The following PADI1 variants were observed in gnomAD, a reference collection of about 807,000 sequenced individuals.
PADI1 encodes the protein peptidyl arginine deiminase 1.
Under a neutral mutation model 74.8 loss-of-function variants are expected in PADI1, and 65 were observed. The observed-to-expected ratio is 0.87, with a 90% CI of 0.71 to 1.07. The LOEUF (loss-of-function observed/expected upper bound fraction) is 1.07. Among genes scored for constraint, PADI1 ranks in the 50% least tolerant of loss-of-function variants. PADI1 has a pLI of 0.00. For missense variants in PADI1, 943 were observed against 854.0 expected (o/e 1.10, Z -1.30); for synonymous variants, 371 against 336.2 (o/e 1.10, Z -1.13).
chr1:17,233,142 A>G (rs886855664), intron 11 of PADI1, among the ~76,000 whole-genome samples, 172 bp downstream of exon 11: 2 of 152,250 alleles, frequency 1.3e-5, no homozygotes, highest in African/African-American at 4.8e-5. Context: ...TTAAAAGATC[A>G]GAGAATCTTA....
chr1:17,232,433 C>T (rs2072513893), intron 10 of PADI1, among the ~76,000 whole-genome samples: 2 of 152,222 alleles, frequency 1.3e-5, no homozygotes, highest in South Asian at 4.1e-4. Context: ...GCTCTGACAA[C>T]TCCCTAGCAG....
chr1:17,224,433 G>A lies in PADI1; in HGVS notation c.408+5G>A. 6.2e-7 allele frequency: 1 copy of A among 1,611,842 alleles called. No homozygotes were observed. Among genetic ancestry groups the A allele is most frequent in the Non-Finnish European group, 8.5e-7 (1 of 1,178,504 alleles). The stretch of plus-strand genomic sequence containing the variant: ...AAGAGGAGCCAAGGGGACAAGGTGA[G>A]ACCCTTCCGGGCACCCCAAGGCTGC... On this transcript the variant is annotated splice_donor_5th_base_variant and intron_variant, in intron 4 of 15. Coordinates refer to ENST00000375471, the MANE Select transcript of PADI1 (RefSeq NM_013358.3).
chr1:17,228,573 G>A, intron 6 of PADI1, 52 bp from the exon 7 acceptor site: 2 of 1,589,586 alleles, frequency 1.3e-6, no homozygotes, highest in South Asian at 2.2e-5. Context: ...TCCTGGGCTT[G>A]CAGCCCCTCA....
intron 1 of PADI1, among the ~76,000 whole-genome samples, chr1:17,216,573 T>C (rs991794814): frequency 2.0e-5 from 3 of 151,862 alleles, no homozygotes; most frequent in African/African-American, 7.3e-5. Flanking sequence ...TGTGTGAAAT[T>C]TAAAATGCTT....
Position 17,244,380 on chromosome 1 carries a change from C to G in PADI1, c.*137C>G. ...CAAACATCCTGGCCACCATGGGCAC[C>G]AGGACACAGGGATGGATACCACCTA... On this transcript the variant is annotated 3_prime_UTR_variant, in exon 16 of 16. Transcript: ENST00000375471. 1 of 725,558 alleles carries G rather than the reference C, an allele frequency of 1.4e-6. No homozygotes were observed. The allele number at this position is 725,558 out of a possible 1,614,324, so 44.9% of individuals were successfully genotyped here. A position where few individuals can be genotyped will look rare whatever the true frequency, so the allele number is the denominator to read the frequency against.
rs148912450 is a variant in PADI1 at position 17,206,982 on chromosome 1, C to T, written c.92+1673C>T. Among the ~76,000 whole-genome samples, 1,280 of 152,222 alleles carry T rather than the reference C, an allele frequency of 8.4e-3. 21 individuals carry two copies. Among genetic ancestry groups the T allele is most frequent in the African/African-American group, 0.029 (1,192 of 41,506 alleles). On this transcript the variant is annotated intron_variant, in intron 1 of 15. Transcript: ENST00000375471. ...AGGCGTGAGCCACCGTACCTGGCCA[C>T]TAAAGCTGAAATCTAACTAGGCATC...
chr1:17,234,107 G>A (rs146218772), intron 11 of PADI1, among the ~76,000 whole-genome samples: 2 of 152,338 alleles, frequency 1.3e-5, no homozygotes, highest in Non-Finnish European at 2.9e-5. Flanking sequence ...ACTTGGGTTT[G>A]AGTCCTGGCC....
intron 12 of PADI1, among the ~76,000 whole-genome samples, chr1:17,237,881 G>T (rs1211948025): frequency 6.6e-6 from 1 of 152,116 alleles, no homozygotes; most frequent in Non-Finnish European, 1.5e-5. Context: ...ATTCAAATCC[G>T]GGTTCTGGGC....
At chr1:17,243,222 G>A (rs918163195) in intron 15 of PADI1, among the ~76,000 whole-genome samples, 1 of 152,176 alleles carries the variant, frequency 6.6e-6, no homozygotes, top group African/African-American at 2.4e-5. Flanking sequence ...AGCACAGCAT[G>A]GGGGAGAATT....
chr1:17,245,386 G>A lies in PADI1; in HGVS notation c.*1143G>A, dbSNP rs1015025353. The A allele has an allele frequency of 6.5e-5, 10 of 152,692 alleles. No homozygotes were observed. Among genetic ancestry groups the A allele is most frequent in the African/African-American group, 2.4e-4 (10 of 41,440 alleles). The allele number at this position is 152,692 out of a possible 1,614,324, so 9.5% of individuals were successfully genotyped here. On this transcript the variant is annotated 3_prime_UTR_variant, in exon 16 of 16. Coordinates refer to ENST00000375471, the MANE Select transcript of PADI1 (RefSeq NM_013358.3). The surrounding 1 kb of genome is among the most constrained non-coding windows in gnomAD (Gnocchi z 4.1). ...CCACAGTAGGGAAGACAGCTGCCACGGGAGGTTAATAGCCCGGAGTGAGGT... is the reference window on the plus strand; with the variant it reads ...CCACAGTAGGGAAGACAGCTGCCACAGGAGGTTAATAGCCCGGAGTGAGGT...
At chr1:17,242,161 C>T (rs1372413673) in intron 15 of PADI1, among the ~76,000 whole-genome samples, 1 of 152,168 alleles carries the variant, frequency 6.6e-6, no homozygotes, top group Non-Finnish European at 1.5e-5. Context: ...TCGCAGGATG[C>T]TTAGCGGCCT....
At chr1:17,212,702 C>G (rs2071865018) in intron 1 of PADI1, among the ~76,000 whole-genome samples, 1 of 152,216 alleles carries the variant, frequency 6.6e-6, no homozygotes, top group Admixed American at 6.5e-5. Flanking sequence ...AGGTAGTGAG[C>G]TGTCAGTCTT....
chr1:17,224,487 C>G lies in PADI1; in HGVS notation c.408+59C>G, dbSNP rs1451925337. 1.4e-5 allele frequency: 18 copies of G among 1,314,122 alleles called. No individual in the cohort carries two copies. The East Asian group carries it at 3.9e-4, about 28-fold the overall frequency. 81.4% of individuals were successfully genotyped at this position (1,314,122 alleles called of 1,614,324 possible). A position where few individuals can be genotyped will look rare whatever the true frequency, so the allele number is the denominator to read the frequency against. ...GTTGAAAGGCAAACTTGGGGTGGTC[C>G]CGGGTGGATTGTGCCCTCCCTCCAG... On this transcript the variant is annotated intron_variant, in intron 4 of 15. Transcript: ENST00000375471.
intron 1 of PADI1, among the ~76,000 whole-genome samples, chr1:17,215,211 C>A (rs190236924): frequency 3.3e-5 from 5 of 152,210 alleles, no homozygotes; most frequent in Non-Finnish European, 4.4e-5. Flanking sequence ...GGGAGGGAGA[C>A]ACTGAGACCA....
At chr1:17,213,112 G>C (rs1201506953) in intron 1 of PADI1, among the ~76,000 whole-genome samples, 2 of 151,982 alleles carry the variant, frequency 1.3e-5, no homozygotes, top group Non-Finnish European at 2.9e-5. Flanking sequence ...TTCTCACTTT[G>C]CTATCTGGGT....
chr1:17,207,107 G>A (rs1243216143), intron 1 of PADI1, among the ~76,000 whole-genome samples: 1 of 152,168 alleles, frequency 6.6e-6, no homozygotes, highest in Non-Finnish European at 1.5e-5. Flanking sequence ...TCATCTGAGG[G>A]CATGGCTGTT....
At chr1:17,231,263 G>A (rs1273371731) in intron 10 of PADI1, among the ~76,000 whole-genome samples, 1 of 152,122 alleles carries the variant, frequency 6.6e-6, no homozygotes, top group Non-Finnish European at 1.5e-5. Context: ...CCTCTTTATG[G>A]ATGAGGAAAT....
At position 17,238,642 on chromosome 1, in the gene PADI1, C is replaced by A; in HGVS notation, c.1485C>A (p.Pro495=). ...GCTTCCGGCTGCTCCTGGCTAGCCCCAGCGCTTGCCTCAAACTCTTCCAAG... is the reference window on the plus strand; with the variant it reads ...GCTTCCGGCTGCTCCTGGCTAGCCCAAGCGCTTGCCTCAAACTCTTCCAAG... ...QKGFRLLLAS[P]SACLKLFQEK... The change falls in exon 13 of 16, where the codon CCC becomes CCA. Residue 495 remains proline, a synonymous_variant. Transcript: ENST00000375471. 6.5e-7 allele frequency: 1 copy of A among 1,549,266 alleles called. No homozygotes were observed. The highest frequency in any genetic ancestry group is 2.4e-5 in the East Asian group (1 of 41,110).
chr1:17,244,550 G>A lies in PADI1; in HGVS notation c.*307G>A, dbSNP rs1418812274. The stretch of plus-strand genomic sequence containing the variant: ...GGCTGTGGGAGGCCTAGGGAGATGG[G>A]CCCCACTTAGAATTGCTCCCCCTTC... On this transcript the variant is annotated 3_prime_UTR_variant, in exon 16 of 16. Coordinates refer to ENST00000375471, the MANE Select transcript of PADI1 (RefSeq NM_013358.3). 1 of 473,752 alleles carries A rather than the reference G, an allele frequency of 2.1e-6. No homozygotes were observed. Among genetic ancestry groups the A allele is most frequent in the East Asian group, 5.5e-5 (1 of 18,318 alleles). 29.3% of individuals were successfully genotyped at this position (473,752 alleles called of 1,614,324 possible).
Sources: allele counts gnomAD v4.1 joint callset (sites outside exome capture counted in the v4.1 genomes callset), GRCh38; gene constraint gnomAD v4.1.1; non-coding constraint Gnocchi (gnomAD v3.1); transcripts MANE v1.5; gene names NCBI Gene and HGNC (gene_info 2026-07-23, HGNC 2026-07-21).